Variants in TNFSF4 observed in about 807,000 individuals in gnomAD.
The protein encoded by TNFSF4 is TNF superfamily member 4, also known as tumor necrosis factor ligand superfamily member 4.
TNFSF4 carries 4 observed loss-of-function variants against 7.3 expected under a neutral mutation model. The observed-to-expected ratio is 0.55, with a 90% CI of 0.27 to 1.25. TNFSF4 has a LOEUF of 1.25. Ranked by LOEUF, TNFSF4 falls within the 50% of genes most tolerant of loss-of-function variation. The pLI is 0.12. For missense variants in TNFSF4, 181 were observed against 208.8 expected (o/e 0.87, Z 0.82); for synonymous variants, 76 against 83.7 (o/e 0.91, Z 0.50).
the TNFSF4 span, among the ~76,000 whole-genome samples, chr1:173,407,051 C>T: frequency 2.0e-5 from 3 of 152,020 alleles, no homozygotes; most frequent in Non-Finnish European, 2.9e-5. Flanking sequence ...CTGCCTCACT[C>T]GGTGCAGACT....
the TNFSF4 span, among the ~76,000 whole-genome samples, chr1:173,426,754 A>G: frequency 6.6e-6 from 1 of 152,064 alleles, no homozygotes; most frequent in Non-Finnish European, 1.5e-5. Context: ...CACCACACCC[A>G]GCAGATTTTT....
the TNFSF4 span, among the ~76,000 whole-genome samples, chr1:173,423,548 GGGCAAC>G: frequency 3.9e-5 from 6 of 152,284 alleles, no homozygotes; most frequent in African/African-American, 1.4e-4. Context: ...CTGGATAAAG[GGGCAAC>G]TGCAGTGGTC....
the TNFSF4 span, among the ~76,000 whole-genome samples, chr1:173,394,667 G>C: frequency 6.6e-6 from 1 of 152,100 alleles, no homozygotes; most frequent in Non-Finnish European, 1.5e-5. Context: ...GCTTGAGCTA[G>C]AACATCCGTT....
At chr1:173,335,602 C>T in the TNFSF4 span, among the ~76,000 whole-genome samples, 4 of 152,130 alleles carry the variant, frequency 2.6e-5, no homozygotes, top group African/African-American at 4.8e-5. Flanking sequence ...ATACTAAATT[C>T]GAGTAAATTC....
chr1:173,248,517 A>AGAAG, the TNFSF4 span, among the ~76,000 whole-genome samples: 1 of 151,808 alleles, frequency 6.6e-6, no homozygotes, highest in African/African-American at 2.4e-5. Context: ...AGAAAGAGAA[A>AGAAG]GAAGGAAGGA....
At chr1:173,371,193 A>T in the TNFSF4 span, among the ~76,000 whole-genome samples, 3 of 152,278 alleles carry the variant, frequency 2.0e-5, no homozygotes, top group East Asian at 1.9e-4. Context: ...CCTGCGCTGG[A>T]CGGCTGTCCT....
chr1:173,324,679 C>T, the TNFSF4 span, among the ~76,000 whole-genome samples: 1 of 151,874 alleles, frequency 6.6e-6, no homozygotes, highest in Non-Finnish European at 1.5e-5. Flanking sequence ...ATCTACCAAG[C>T]AAATGGAAAA....
chr1:173,360,458 T>G, the TNFSF4 span, among the ~76,000 whole-genome samples: 1 of 152,234 alleles, frequency 6.6e-6, no homozygotes, highest in Non-Finnish European at 1.5e-5. Flanking sequence ...GATCAAAGAC[T>G]GCCTTCAAAG....
At chr1:173,199,848 A>T (rs1420527381) in intron 1 of TNFSF4, among the ~76,000 whole-genome samples, 9 of 84,880 alleles carry the variant, frequency 1.1e-4, no homozygotes, top group Admixed American at 2.7e-4. Flanking sequence ...ATTATCATTT[A>T]AAAAAAATGC....
At chr1:173,396,944 A>G in the TNFSF4 span, among the ~76,000 whole-genome samples, 7 of 152,328 alleles carry the variant, frequency 4.6e-5, no homozygotes, top group East Asian at 9.7e-4. Context: ...GCAGCCACTG[A>G]GTTAAGAATT....
chr1:173,398,409 CT>C, the TNFSF4 span, among the ~76,000 whole-genome samples: 19,729 of 101,510 alleles, frequency 0.19, 1,058 homozygotes, highest in African/African-American at 0.25. Flanking sequence ...TATTTCTTTT[CT>C]TTTTTTTTTT....
intron 1 of TNFSF4, among the ~76,000 whole-genome samples, chr1:173,204,920 C>A (rs112675487): frequency 0.017 from 2,268 of 137,174 alleles, 23 homozygotes; most frequent in African/African-American, 0.028. Context: ...CACACACACA[C>A]ACAAACACAC....
chr1:173,379,026 A>G, the TNFSF4 span, among the ~76,000 whole-genome samples: 1 of 151,482 alleles, frequency 6.6e-6, no homozygotes, highest in South Asian at 2.1e-4. Flanking sequence ...ATCCTGATAG[A>G]TATACAGATG....
the TNFSF4 span, among the ~76,000 whole-genome samples, chr1:173,297,504 A>G: frequency 9.9e-5 from 15 of 151,950 alleles, no homozygotes; most frequent in South Asian, 8.3e-4. Context: ...CCTGGCCCCA[A>G]TCTGCACTGC....
the TNFSF4 span, among the ~76,000 whole-genome samples, chr1:173,213,602 A>G: frequency 6.6e-6 from 1 of 152,256 alleles, no homozygotes; most frequent in African/African-American, 2.4e-5. Context: ...TTATTAAAAT[A>G]TAATTTTAGA....
At chr1:173,420,110 T>C in the TNFSF4 span, among the ~76,000 whole-genome samples, 1 of 152,164 alleles carries the variant, frequency 6.6e-6, no homozygotes, top group Non-Finnish European at 1.5e-5. Flanking sequence ...CTCCTCTCTC[T>C]GGATTTGCCT....
chr1:173,269,204 T>A, the TNFSF4 span, among the ~76,000 whole-genome samples: 7 of 152,122 alleles, frequency 4.6e-5, no homozygotes, highest in East Asian at 1.4e-3. Flanking sequence ...GATAGAGGGG[T>A]AGATGAAATA....
the TNFSF4 span, among the ~76,000 whole-genome samples, chr1:173,300,652 G>A: frequency 6.6e-6 from 1 of 151,754 alleles, no homozygotes; most frequent in Non-Finnish European, 1.5e-5. Flanking sequence ...CTTTCAAGTG[G>A]AGTGCTCCAC....
At chr1:173,449,758 CA>C in the TNFSF4 span, among the ~76,000 whole-genome samples, 9 of 152,074 alleles carry the variant, frequency 5.9e-5, no homozygotes, top group African/African-American at 2.2e-4. Flanking sequence ...AGAGAAAATG[CA>C]ACATATCAAA....
Sources: allele counts gnomAD v4.1 joint callset (sites outside exome capture counted in the v4.1 genomes callset), GRCh38; gene constraint gnomAD v4.1.1; transcripts MANE v1.5; gene names NCBI Gene and HGNC (gene_info 2026-07-23, HGNC 2026-07-21).